AIG1: variants seen among roughly 807,000 people sequenced by gnomAD.
AIG1 encodes androgen induced 1, also known as androgen-induced gene 1 protein.
A neutral mutation model predicts 31.4 loss-of-function variants in AIG1; 23 were observed. That is an observed-to-expected ratio of 0.73 (90% CI 0.53 to 1.04). AIG1 has a LOEUF of 1.04. Among genes scored for constraint, AIG1 ranks in the 50% least tolerant of loss-of-function variants. The pLI is 0.00. For synonymous variants in AIG1, 100 were observed against 110.5 expected (o/e 0.90, Z 0.60); for missense variants, 274 against 295.0 (o/e 0.93, Z 0.52).
At chr6:143,060,445 A>C, upstream of AIG1, 1 of 219,686 alleles carries the variant, frequency 4.6e-6, no homozygotes, top group Non-Finnish European at 1.0e-5. Flanking sequence ...ATTTGTGGAC[A>C]CTGGGGTCCA....
At chr6:143,110,816 G>GACT (rs1781208541) in intron 1 of AIG1, among the ~76,000 whole-genome samples, 2 of 152,132 alleles carry the variant, frequency 1.3e-5, no homozygotes, top group Admixed American at 1.3e-4. Context: ...TCGAGAAGCA[G>GACT]ACTTAATGCA....
In AIG1 at chr6:143,268,030, T is replaced by C. The variant is rs918226041; in HGVS notation, c.400-16080T>C. On this transcript the variant is annotated intron_variant, in intron 3 of 5. Transcript: ENST00000357847. The surrounding 1 kb of genome is among the most constrained non-coding windows in gnomAD (Gnocchi z 5.0). ...ATTTGGCTGAACTCTGTGAGCACAATGTTGTAATACTGTTGATCTCATGCT... is the reference window on the plus strand; with the variant it reads ...ATTTGGCTGAACTCTGTGAGCACAACGTTGTAATACTGTTGATCTCATGCT... 9.9e-5 allele frequency among the ~76,000 whole-genome samples: 15 copies of C among 152,164 alleles called. No individual in the cohort carries two copies. Among genetic ancestry groups the C allele is most frequent in the Non-Finnish European group, 2.2e-4 (15 of 68,028 alleles).
At chr6:143,195,454 G>C (rs1294225483) in intron 3 of AIG1, among the ~76,000 whole-genome samples, 1 of 152,202 alleles carries the variant, frequency 6.6e-6, no homozygotes, top group African/African-American at 2.4e-5. Context: ...GTGTTATCCT[G>C]ATAGCTTTGG....
chr6:143,201,010 T>C (rs1790653130), intron 3 of AIG1, among the ~76,000 whole-genome samples: 2 of 152,150 alleles, frequency 1.3e-5, no homozygotes, highest in Admixed American at 1.3e-4. Context: ...CCAAACCTAT[T>C]TCCCGTCTCA....
chr6:143,115,367 G>A (rs1187789323), intron 1 of AIG1, among the ~76,000 whole-genome samples: 2 of 152,070 alleles, frequency 1.3e-5, no homozygotes, highest in African/African-American at 4.8e-5. Context: ...AAAGCATGTG[G>A]CAAAAATAAT....
chr6:143,096,730 TTGA>T (rs779609013), intron 1 of AIG1, among the ~76,000 whole-genome samples: 46 of 152,338 alleles, frequency 3.0e-4, no homozygotes, highest in Non-Finnish European at 5.7e-4. Context: ...ATATTAATAA[TTGA>T]TAGTTTCTTA....
At chr6:143,103,725 T>G (rs1449942438) in intron 1 of AIG1, among the ~76,000 whole-genome samples, 1 of 151,972 alleles carries the variant, frequency 6.6e-6, no homozygotes, top group Non-Finnish European at 1.5e-5. Context: ...GCCGGGATGG[T>G]CTCGATCTCC....
chr6:143,267,643 C>T (rs1374657399), intron 3 of AIG1, among the ~76,000 whole-genome samples: 2 of 152,166 alleles, frequency 1.3e-5, no homozygotes, highest in Non-Finnish European at 2.9e-5. Context: ...ATCTTGGTTC[C>T]TTCTTCAGTG....
At chr6:143,318,601 G>A (rs1249338045) in intron 4 of AIG1, among the ~76,000 whole-genome samples, 1 of 151,890 alleles carries the variant, frequency 6.6e-6, no homozygotes, top group Non-Finnish European at 1.5e-5. Flanking sequence ...GAACCCAAAA[G>A]CAAATGCAAT....
chr6:143,317,408 A>G (rs964576933), intron 4 of AIG1, among the ~76,000 whole-genome samples: 2 of 152,190 alleles, frequency 1.3e-5, no homozygotes, highest in Non-Finnish European at 2.9e-5. Flanking sequence ...CAAAAATCAC[A>G]TGATCATCTC....
intron 4 of AIG1, among the ~76,000 whole-genome samples, chr6:143,316,186 T>G (rs1775724980): frequency 6.6e-6 from 1 of 151,948 alleles, no homozygotes; most frequent in Admixed American, 6.6e-5. Context: ...AAGAAAAAGG[T>G]TGCAGCACAC....
chr6:143,342,332 C>T, downstream of AIG1: 2 of 671,940 alleles, frequency 3.0e-6, no homozygotes, highest in Middle Eastern at 4.0e-4. Context: ...GCGAGGAGCT[C>T]ACTGCGGTTC....
chr6:143,080,692 G>C (rs192439448), intron 1 of AIG1, among the ~76,000 whole-genome samples: 1 of 152,066 alleles, frequency 6.6e-6, no homozygotes, highest in Non-Finnish European at 1.5e-5. Flanking sequence ...CACGGTTGTC[G>C]CCTGAAGAGC....
rs936078237 is a variant in AIG1 at position 143,326,359 on chromosome 6, T to C, written c.516-6923T>C. Reference sequence around the variant, plus strand: ...TCTCAGTTCTTTAGACATGCCTTTTTTTGGCTAGAAAGTTCTTTCCTCCCA... The same window carrying C: ...TCTCAGTTCTTTAGACATGCCTTTTCTTGGCTAGAAAGTTCTTTCCTCCCA... On this transcript the variant is annotated intron_variant, in intron 4 of 5. Coordinates refer to ENST00000357847, the MANE Select transcript of AIG1 (RefSeq NM_016108.4). This position sits in a 1 kb window ranked among gnomAD's most constrained non-coding sequence, Gnocchi z 4.5. Among the ~76,000 whole-genome samples, 1 of 152,126 alleles carries C rather than the reference T, an allele frequency of 6.6e-6. No individual in the cohort carries two copies. Among genetic ancestry groups the C allele is most frequent in the Admixed American group, 6.6e-5 (1 of 15,266 alleles).
At chr6:143,178,582 C>T (rs1257820521) in intron 3 of AIG1, among the ~76,000 whole-genome samples, 1 of 152,200 alleles carries the variant, frequency 6.6e-6, no homozygotes, top group Admixed American at 6.5e-5. Flanking sequence ...GGCTCTGAGC[C>T]GATCCTAGCC....
At chr6:143,343,876 T>C (rs1177702085), downstream of AIG1, among the ~76,000 whole-genome samples, 1 of 152,188 alleles carries the variant, frequency 6.6e-6, no homozygotes, top group African/African-American at 2.4e-5. Flanking sequence ...ACAACAAATA[T>C]AAAATGATCC....
chr6:143,228,495 A>G (rs558682885), intron 3 of AIG1, among the ~76,000 whole-genome samples: 1 of 152,326 alleles, frequency 6.6e-6, no homozygotes, highest in East Asian at 1.9e-4. Context: ...GGGTGGAGCA[A>G]GTGTCCCAAC....
rs963905137 is a variant in AIG1 at position 143,339,874 on chromosome 6, T to C, written c.*198T>C. 2.2e-5 allele frequency: 9 copies of C among 410,722 alleles called. No homozygotes were observed. Among genetic ancestry groups the C allele is most frequent in the Non-Finnish European group, 3.8e-5 (9 of 236,816 alleles). The allele number at this position is 410,722 out of a possible 1,614,324, so 25.4% of individuals were successfully genotyped here. On this transcript the variant is annotated 3_prime_UTR_variant, in exon 6 of 6. Transcript: ENST00000357847. ...TTTCCAAAAGAACTCACCCTCACTG[T>C]GTGTTAAAGAATTCTTCCCAAAGTC...
At chr6:143,072,259 A>T (rs1042216243) in intron 1 of AIG1, among the ~76,000 whole-genome samples, 2 of 152,174 alleles carry the variant, frequency 1.3e-5, no homozygotes, top group Non-Finnish European at 2.9e-5. Flanking sequence ...TAATGTGTAT[A>T]TTTTGACCTT....
Sources: allele counts gnomAD v4.1 joint callset (sites outside exome capture counted in the v4.1 genomes callset), GRCh38; gene constraint gnomAD v4.1.1; non-coding constraint Gnocchi (gnomAD v3.1); transcripts MANE v1.5; gene names NCBI Gene and HGNC (gene_info 2026-07-23, HGNC 2026-07-21).